The following GRM3 variants were observed in gnomAD, a reference collection of about 807,000 sequenced individuals.
GRM3 encodes metabotropic glutamate receptor 3.
GRM3 carries 26 observed loss-of-function variants against 70.5 expected under a neutral mutation model. The ratio of observed to expected loss-of-function variants is 0.37; its 90% CI spans 0.27 to 0.51. The LOEUF (loss-of-function observed/expected upper bound fraction) is 0.51, where lower values mean the gene tolerates loss of function less well. GRM3 is among the 20% of genes least tolerant of loss of function. The probability of loss-of-function intolerance (pLI) is 0.93; values close to 1 mark genes in which losing one functional copy is unlikely to be tolerated. For synonymous variants in GRM3, 443 were observed against 434.9 expected, an observed-to-expected ratio of 1.02 and a Z score of -0.23; for missense variants, 859 against 1,123.8, an observed-to-expected ratio of 0.76 and a Z score of 3.37.
chr7:86,803,858 A>G (rs1180349976), intron 3 of GRM3, among the ~76,000 whole-genome samples: 5 of 152,234 alleles, frequency 3.3e-5, no homozygotes, highest in African/African-American at 1.2e-4. Flanking sequence ...AAAGTTCAGA[A>G]TCCTGAAATT....
intron 3 of GRM3, among the ~76,000 whole-genome samples, chr7:86,821,518 A>G (rs1029093730): frequency 6.6e-6 from 1 of 152,188 alleles, no homozygotes; most frequent in Non-Finnish European, 1.5e-5. Context: ...TTAATTTAAC[A>G]TTCACAATAA....
chr7:86,709,778 C>G (rs1012856303), intron 1 of GRM3, among the ~76,000 whole-genome samples: 2 of 152,058 alleles, frequency 1.3e-5, no homozygotes, highest in African/African-American at 4.8e-5. Flanking sequence ...TTAGGATACA[C>G]ATCTGAGCCT....
At chr7:86,732,578 T>C (rs1288339391) in intron 1 of GRM3, among the ~76,000 whole-genome samples, 1 of 152,222 alleles carries the variant, frequency 6.6e-6, no homozygotes, top group African/African-American at 2.4e-5. Context: ...GCATTTACTA[T>C]GTGGCAGGCA....
intron 3 of GRM3, among the ~76,000 whole-genome samples, chr7:86,829,521 T>G (rs1041365047): frequency 6.6e-6 from 1 of 152,208 alleles, no homozygotes; most frequent in African/African-American, 2.4e-5. Context: ...AGTGATTCTT[T>G]CTTTCACTTG....
intron 2 of GRM3, among the ~76,000 whole-genome samples, chr7:86,773,351 T>A (rs1318003104): frequency 6.6e-6 from 1 of 151,828 alleles, no homozygotes; most frequent in South Asian, 2.1e-4. Context: ...ATCCATTACC[T>A]TTTATTTATT....
chr7:86,823,402 G>A (rs1197635616), intron 3 of GRM3, among the ~76,000 whole-genome samples: 1 of 151,408 alleles, frequency 6.6e-6, no homozygotes, highest in African/African-American at 2.4e-5. Context: ...CAGTATATAT[G>A]CCCTACAACT....
intron 5 of GRM3, among the ~76,000 whole-genome samples, chr7:86,854,385 A>AAAGC: frequency 6.6e-6 from 1 of 152,284 alleles, no homozygotes; most frequent in East Asian, 1.9e-4. Context: ...CAAAACTGGA[A>AAAGC]AAGCATGACC....
intron 2 of GRM3, among the ~76,000 whole-genome samples, chr7:86,783,247 T>A (rs963049818): frequency 6.6e-6 from 1 of 152,208 alleles, no homozygotes; most frequent in Non-Finnish European, 1.5e-5. Context: ...CTGTTCCTCT[T>A]GTTCTTTCTA....
intron 1 of GRM3, among the ~76,000 whole-genome samples, chr7:86,702,440 T>A (rs2189814): frequency 6.6e-6 from 1 of 151,766 alleles, no homozygotes; most frequent in East Asian, 1.9e-4. Flanking sequence ...CAGCTCTATT[T>A]AAAATCACAG....
intron 5 of GRM3, among the ~76,000 whole-genome samples, chr7:86,862,784 CCCACT>C (rs1798985519): frequency 6.6e-6 from 1 of 152,102 alleles, no homozygotes; most frequent in Admixed American, 6.6e-5. Context: ...TGAATGCTCC[CCCACT>C]GAATGCCATA....
At chr7:86,785,162 T>C (rs1002969615) in intron 2 of GRM3, among the ~76,000 whole-genome samples, 1 of 152,250 alleles carries the variant, frequency 6.6e-6, no homozygotes, top group Non-Finnish European at 1.5e-5. Flanking sequence ...ATAGTCAATG[T>C]CATTTCTGAT....
chr7:86,860,275 T>G (rs1330502809), intron 5 of GRM3, among the ~76,000 whole-genome samples: 2 of 152,168 alleles, frequency 1.3e-5, no homozygotes, highest in East Asian at 3.8e-4. Context: ...TCTACATATT[T>G]TATTACCTTG....
chr7:86,862,877 G>A (rs1798986712), intron 5 of GRM3, among the ~76,000 whole-genome samples: 1 of 152,098 alleles, frequency 6.6e-6, no homozygotes, highest in African/African-American at 2.4e-5. Flanking sequence ...TGAAAATGTA[G>A]GGGTCAATTA....
chr7:86,799,168 G>A (rs745430309), intron 3 of GRM3, among the ~76,000 whole-genome samples: 4 of 152,136 alleles, frequency 2.6e-5, no homozygotes, highest in Non-Finnish European at 5.9e-5. Context: ...TATTGTTGGT[G>A]TATAGGAATG....
chr7:86,688,947 G>A (rs960965340), intron 1 of GRM3, among the ~76,000 whole-genome samples: 4 of 148,054 alleles, frequency 2.7e-5, no homozygotes, highest in South Asian at 2.1e-4. Flanking sequence ...CTGGTGTCAC[G>A]AGACATAGTC....
chr7:86,765,086 G>T lies in GRM3; in HGVS notation c.-60G>T. ...AAGATCCAGTTTGGAAATGAGAGAGGACTAGCATGACACATTGGCTCCACC... is the reference window on the plus strand; with the variant it reads ...AAGATCCAGTTTGGAAATGAGAGAGTACTAGCATGACACATTGGCTCCACC... On this transcript the variant is annotated 5_prime_UTR_variant, in exon 2 of 6. Transcript: ENST00000361669. 1 of 1,515,028 alleles carries T rather than the reference G, an allele frequency of 6.6e-7. No individual in the cohort carries two copies. Among genetic ancestry groups the T allele is most frequent in the Non-Finnish European group, 8.8e-7 (1 of 1,139,562 alleles). The allele number at this position is 1,515,028 out of a possible 1,614,324, so 93.8% of individuals were successfully genotyped here.
chr7:86,732,994 T>G (rs1795770495), intron 1 of GRM3, among the ~76,000 whole-genome samples: 1 of 151,540 alleles, frequency 6.6e-6, no homozygotes, highest in South Asian at 2.1e-4. Flanking sequence ...AGAGACACTG[T>G]GGGGGAAGAA....
chr7:86,784,703 T>C (rs766979327), intron 2 of GRM3: 1 of 152,230 alleles, frequency 6.6e-6, no homozygotes, highest in Non-Finnish European at 1.5e-5. Flanking sequence ...TACCCCTTCA[T>C]CCACCCATTC....
intron 3 of GRM3, among the ~76,000 whole-genome samples, chr7:86,810,363 T>C (rs1178742514): frequency 1.3e-5 from 2 of 151,976 alleles, no homozygotes; most frequent in Non-Finnish European, 2.9e-5. Context: ...TGATATTAAA[T>C]GAAAAGATGA....
Sources: gnomAD v4.1 joint callset for allele counts (sites outside exome capture counted in the v4.1 genomes callset) on GRCh38, gnomAD v4.1.1 for gene constraint, MANE v1.5 for transcripts, NCBI Gene and HGNC (gene_info 2026-07-23, HGNC 2026-07-21) for gene names.